DERL2: variants seen among roughly 807,000 people sequenced by gnomAD.
The protein encoded by DERL2 is derlin-2.
A neutral mutation model predicts 32.0 loss-of-function variants in DERL2; 13 were observed. The observed-to-expected ratio is 0.41, with a 90% CI of 0.26 to 0.65. DERL2 has a LOEUF of 0.65. Among genes scored for constraint, DERL2 ranks in the 30% least tolerant of loss-of-function variants. DERL2 has a pLI of 0.35. For synonymous variants in DERL2, 111 were observed against 104.7 expected, an observed-to-expected ratio of 1.06 and a Z score of -0.37; for missense variants, 208 against 296.3, an observed-to-expected ratio of 0.70 and a Z score of 2.19.
At chr17:5,482,750 C>T (rs2151707550) in intron 3 of DERL2, 59 bp downstream of exon 3, 1 of 998,466 alleles carries the variant, frequency 1.0e-6, no homozygotes, top group South Asian at 1.4e-5. Context: ...AAAGTTTCAA[C>T]TTAATTTTTT....
At chr17:5,486,358 C>CT, upstream of DERL2, 1 of 453,726 alleles carries the variant, frequency 2.2e-6, no homozygotes, top group South Asian at 2.8e-5. Context: ...TCGCCACCGC[C>CT]CCCCCCCAGC....
At position 5,474,695 on chromosome 17, in the gene DERL2, G is replaced by A. The variant is rs767757387; in HGVS notation, c.709C>T (p.Leu237Phe). The change falls in exon 7 of 7, where the codon CTT becomes TTT. Residue 237 changes from leucine to phenylalanine, a missense_variant. By Grantham distance (22) the Leu-to-Phe change is conservative (BLOSUM62 0). Around this residue, in one of 3 missense-constraint regions of DERL2, gnomAD observed 40 missense variants for 38.7 expected, o/e 1.03. Transcript: ENST00000158771. The surrounding 1 kb of genome is among the most constrained non-coding windows in gnomAD (Gnocchi z 4.3). The stretch of plus-strand genomic sequence containing the variant: ...TTGGCACTGCTGCTTTAACCTCCAA[G>A]CCGCTGGCCCTCACCCCAGGCGAAG... ...GGFAWGEGQR[L>F]GG is the part of the protein sequence containing the mutation. The A allele has an allele frequency of 5.6e-6, 9 of 1,610,638 alleles. No individual in the cohort carries two copies. Among genetic ancestry groups the A allele is most frequent in the African/African-American group, 1.3e-5 (1 of 74,610 alleles).
chr17:5,482,654 A>C, intron 3 of DERL2, 155 bp downstream of exon 3: 1 of 538,672 alleles, frequency 1.9e-6, no homozygotes, highest in East Asian at 3.6e-5. Context: ...GACATTTTCA[A>C]AACATTACTA....
At position 5,480,151 on chromosome 17, in the gene DERL2, T is replaced by C. The variant is rs374255476; in HGVS notation, c.524-7A>G. The C allele has an allele frequency of 1.8e-5, 29 of 1,572,812 alleles. No homozygotes were observed. Among genetic ancestry groups the C allele is most frequent in the African/African-American group, 9.5e-5 (7 of 73,430 alleles). On this transcript the variant is annotated splice_region_variant and splice_polypyrimidine_tract_variant and intron_variant, in intron 5 of 6. Transcript: ENST00000158771. ...ATGTGTCCAACTGCAATACCTAGAG[T>C]CAAGCAGAAATAAAGGATGAGGGAG...
chr17:5,480,239 G>T, intron 5 of DERL2, 95 bp from the exon 6 acceptor site: 1 of 1,223,122 alleles, frequency 8.2e-7, no homozygotes, highest in Non-Finnish European at 1.2e-6. Context: ...TAGGATGAAT[G>T]TCAACATAAT....
chr17:5,482,773 A>G, intron 3 of DERL2, 36 bp downstream of exon 3: 1 of 1,208,506 alleles, frequency 8.3e-7, no homozygotes, highest in Non-Finnish European at 1.2e-6. Context: ...TTCCTAAGAA[A>G]AAGTTTTGAT....
rs80153139 is a variant in DERL2 at position 5,481,138 on chromosome 17, G to C, written c.327+158C>G. 2.9e-6 allele frequency: 2 copies of C among 684,234 alleles called. No individual in the cohort carries two copies. The highest frequency in any genetic ancestry group is 5.7e-5 in the Admixed American group (2 of 35,382). The allele number at this position is 684,234 out of a possible 1,614,324, so 42.4% of individuals were successfully genotyped here. On this transcript the variant is annotated intron_variant, in intron 4 of 6. Transcript: ENST00000158771. The surrounding 1 kb of genome is among the most constrained non-coding windows in gnomAD (Gnocchi z 4.4). ...TTCCTTTGACTTGCTCATCCTGTCCGACTGCTAGGTTTGGAAACTTGTCAC... is the reference window on the plus strand; with the variant it reads ...TTCCTTTGACTTGCTCATCCTGTCCCACTGCTAGGTTTGGAAACTTGTCAC...
At chr17:5,482,927 T>C (rs1004243930) in intron 2 of DERL2, 45 bp from the exon 3 acceptor site, 3 of 1,094,904 alleles carry the variant, frequency 2.7e-6, no homozygotes, top group African/African-American at 1.6e-5. Context: ...GTAAAATAAA[T>C]TACCAGGAAA....
At chr17:5,480,825 T>C (rs2151705576) in intron 4 of DERL2, 2 of 459,952 alleles carry the variant, frequency 4.3e-6, no homozygotes, top group African/African-American at 2.0e-5. Flanking sequence ...CGTGAAGTTC[T>C]TGCCTCTTTG....
chr17:5,480,724 C>A, intron 4 of DERL2, 142 bp from the exon 5 acceptor site: 1 of 692,386 alleles, frequency 1.4e-6, no homozygotes, highest in South Asian at 4.4e-5. Context: ...GGAGAAACAC[C>A]CAGAAAATAA....
At chr17:5,479,596 G>A (rs1367417790) in intron 6 of DERL2, among the ~76,000 whole-genome samples, 2 of 151,658 alleles carry the variant, frequency 1.3e-5, no homozygotes, top group Non-Finnish European at 2.9e-5. Flanking sequence ...CTCTATGGCT[G>A]GTCAGTGGGA....
Sources: gnomAD v4.1 joint callset for allele counts (sites outside exome capture counted in the v4.1 genomes callset) on GRCh38, gnomAD v4.1.1 for gene constraint, gnomAD v4.1.1 regional missense constraint, Gnocchi (gnomAD v3.1) non-coding constraint, MANE v1.5 for transcripts, NCBI Gene and HGNC (gene_info 2026-07-23, HGNC 2026-07-21) for gene names.